Variants in RHNO1 observed in about 807,000 individuals in gnomAD.
RHNO1 encodes the protein RAD9-HUS1-RAD1 interacting nuclear orphan 1.
Under a neutral mutation model 7.2 loss-of-function variants are expected in RHNO1, and 9 were observed. The observed-to-expected ratio is 1.25, with a 90% CI of 0.75 to 2.18. RHNO1 has a LOEUF of 2.18. RHNO1 is among the 30% of genes most tolerant of loss of function. The probability of loss-of-function intolerance (pLI) is 0.00; values close to 1 mark genes in which losing one functional copy is unlikely to be tolerated. For missense variants in RHNO1, 292 were observed against 284.5 expected (o/e 1.03, Z -0.19); for synonymous variants, 95 against 107.5 (o/e 0.88, Z 0.72).
intron 1 of RHNO1, among the ~76,000 whole-genome samples, chr12:2,883,378 A>G (rs1364959242): frequency 6.7e-6 from 1 of 149,256 alleles, no homozygotes; most frequent in Non-Finnish European, 1.5e-5. Flanking sequence ...CTATCTCGAA[A>G]AAAAGAAAAA....
chr12:2,885,486 T>TTCCCATCATCACA lies in RHNO1; in HGVS notation c.120_121insTCCCATCATCACA (p.Arg41SerfsTer13). 2 of 1,602,076 alleles carry TTCCCATCATCACA rather than the reference T, an allele frequency of 1.2e-6. No homozygotes were observed. Among genetic ancestry groups the TTCCCATCATCACA allele is most frequent in the Non-Finnish European group, 1.7e-6 (2 of 1,173,528 alleles). ...CTACACAGCTTCCCATCACTCACAC[T>TTCCCATCATCACA]CGACAGGTGCCCAGCAAGCCCATTG... On this transcript the variant is annotated frameshift_variant, in exon 2 of 3. Coordinates refer to ENST00000489288, the MANE Select transcript of RHNO1 (RefSeq NM_001252499.3). LOFTEE classifies it low-confidence loss of function (END_TRUNC).
intron 1 of RHNO1, among the ~76,000 whole-genome samples, chr12:2,879,943 A>C (rs2098155282): frequency 6.6e-6 from 1 of 152,066 alleles, no homozygotes; most frequent in Non-Finnish European, 1.5e-5. Flanking sequence ...AAATGAGAGT[A>C]TTTCCTTTGA....
rs869192550 is a variant in RHNO1, at chr12:2,883,511, A to AT, written c.-84-1749dup. Among the ~76,000 whole-genome samples the AT allele has an allele frequency of 2.7e-3, 72 of 26,846 alleles. 1 individual carries two copies. The highest frequency in any genetic ancestry group is 4.8e-3 in the African/African-American group (29 of 5,990). 17.6% of individuals were successfully genotyped at this position (26,846 alleles called of 152,430 possible). A position where few individuals can be genotyped will look rare whatever the true frequency, so the allele number is the denominator to read the frequency against. On this transcript the variant is annotated intron_variant, in intron 1 of 2. Coordinates refer to ENST00000489288, the MANE Select transcript of RHNO1 (RefSeq NM_001252499.3). ...TATATATATATATATATATATATAT[A>AT]TTTTTTTTTTTTTTTTTTTTTTTGA... is the stretch of plus-strand genomic sequence containing the variant.
chr12:2,879,872 T>C (rs1167503232), intron 1 of RHNO1, among the ~76,000 whole-genome samples: 1 of 152,130 alleles, frequency 6.6e-6, no homozygotes, highest in East Asian at 1.9e-4. Context: ...AACTGACCTC[T>C]AATTAGAGCA....
In RHNO1 at chr12:2,885,532, T is replaced by A; in HGVS notation, c.166T>A (p.Trp56Arg). 6.9e-7 allele frequency: 1 copy of A among 1,447,440 alleles called. No individual in the cohort carries two copies. The allele number at this position is 1,447,440 out of a possible 1,614,324, so 89.7% of individuals were successfully genotyped here. The change falls in exon 2 of 3, where the codon TGG (tryptophan) becomes AGG (arginine). Residue 56 changes from tryptophan to arginine, a missense_variant and splice_region_variant. By Grantham distance (101) the Trp-to-Arg change is moderately radical. Coordinates refer to ENST00000489288, the MANE Select transcript of RHNO1 (RefSeq NM_001252499.3). ...CATTGACCACAGCACCATCACTTCC[T>A]GGGTAGGCCCATGGGATTACTATTT... ...KPIDHSTITS[W>R]VSPDFDTAAG...
Position 2,888,089 on chromosome 12 carries a change from C to T in RHNO1, c.347C>T (p.Pro116Leu), listed in dbSNP as rs1352543126. Reference protein sequence around the residue: ...TLGIPLIRECPSESEKDVSRR... With the variant: ...TLGIPLIRECLSESEKDVSRR... ...GGGATCCCCTTAATCCGAGAGTGCC[C>T]CAGTGAATCAGAAAAGGATGTTTCC... The change falls in exon 3 of 3, where the codon CCC becomes CTC. Residue 116 changes from proline to leucine, a missense_variant. Transcript: ENST00000489288. 1.2e-5 allele frequency: 20 copies of T among 1,613,898 alleles called. No homozygotes were observed. Among genetic ancestry groups the T allele is most frequent in the Non-Finnish European group, 1.6e-5 (19 of 1,179,990 alleles).
intron 2 of RHNO1, among the ~76,000 whole-genome samples, chr12:2,886,732 A>G (rs1465997847): frequency 6.6e-6 from 1 of 152,184 alleles, no homozygotes; most frequent in East Asian, 1.9e-4. Flanking sequence ...TAGTATAGTA[A>G]AAGGGCCAGA....
intron 1 of RHNO1, among the ~76,000 whole-genome samples, chr12:2,878,470 C>A (rs146666412): frequency 6.6e-6 from 1 of 152,108 alleles, no homozygotes; most frequent in Non-Finnish European, 1.5e-5. Context: ...GAAGCTGGAG[C>A]CGGAGGAAGC....
chr12:2,878,303 A>AGCCACTGCACTCCAGCC (rs1565485076), intron 1 of RHNO1, among the ~76,000 whole-genome samples: 1 of 152,144 alleles, frequency 6.6e-6, no homozygotes, highest in African/African-American at 2.4e-5. Context: ...TTGGTGTGAG[A>AGCCACTGCACTCCAGCC]TCTGATGCCT....
In RHNO1 at chr12:2,885,520, A is replaced by G. The variant is rs2098164347; in HGVS notation, c.154A>G (p.Thr52Ala). The change falls in exon 2 of 3, where the codon ACC (threonine) becomes GCC (alanine). Residue 52 changes from threonine to alanine, a missense_variant. By Grantham distance (58) the Thr-to-Ala change is moderately conservative (BLOSUM62 0). Coordinates refer to ENST00000489288, the MANE Select transcript of RHNO1 (RefSeq NM_001252499.3). ...QVPSKPIDHS[T>A]ITSWVSPDFD... ...GCCCAGCAAGCCCATTGACCACAGC[A>G]CCATCACTTCCTGGGTAGGCCCATG... The G allele has an allele frequency of 6.3e-7, 1 of 1,588,224 alleles. No individual in the cohort carries two copies. The highest frequency in any genetic ancestry group is 1.7e-5 in the Admixed American group (1 of 58,338).
At chr12:2,884,232 TTTTG>T (rs113654982) in intron 1 of RHNO1, among the ~76,000 whole-genome samples, 36 of 152,034 alleles carry the variant, frequency 2.4e-4, no homozygotes, top group African/African-American at 6.3e-4. Context: ...GGCTAATCTT[TTTTG>T]TTTGTTTGTT....
Position 2,887,135 on chromosome 12 carries a change from G to A in RHNO1, c.169-776G>A, listed in dbSNP as rs1315192840. The A allele has an allele frequency of 2.4e-5, 9 of 374,358 alleles. No homozygotes were observed. In the East Asian group the frequency reaches 6.8e-4, roughly 28 times the overall value. 23.2% of individuals were successfully genotyped at this position (374,358 alleles called of 1,614,324 possible). ...AGGTGGGTGGATCACTTGAGGTCAG[G>A]AGTTTGAGACCAGTCTGGCCAACAC... On this transcript the variant is annotated intron_variant, in intron 2 of 2. Transcript: ENST00000489288.
Position 2,889,153 on chromosome 12 carries a change from ACT to A in RHNO1, c.*697_*698del, listed in dbSNP as rs1221895632. 1 of 151,832 alleles carries A rather than the reference ACT, an allele frequency of 6.6e-6. No individual in the cohort carries two copies. The highest frequency in any genetic ancestry group is 1.5e-5 in the Non-Finnish European group (1 of 68,036). The allele number at this position is 151,832 out of a possible 1,614,324, so 9.4% of individuals were successfully genotyped here. On this transcript the variant is annotated 3_prime_UTR_variant, in exon 3 of 3. Coordinates refer to ENST00000489288, the MANE Select transcript of RHNO1 (RefSeq NM_001252499.3). Reference sequence around the variant, plus strand: ...GACCTGATGGATGGAAAAAAATCAAACTCTGTGACTCTATGGTTGACTGCCAC... The same window carrying A: ...GACCTGATGGATGGAAAAAAATCAAACTGTGACTCTATGGTTGACTGCCAC...
At chr12:2,883,494 TATATATATATATATA>T (rs2098161098) in intron 1 of RHNO1, among the ~76,000 whole-genome samples, 1 of 19,902 alleles carries the variant, frequency 5.0e-5, no homozygotes, top group Non-Finnish European at 8.2e-5. Flanking sequence ...TATATATATA[TATATATATATATATA>T]TATTTTTTTT....
intron 1 of RHNO1, chr12:2,878,163 C>T (rs2098151097): frequency 6.6e-6 from 1 of 152,272 alleles, no homozygotes; most frequent in South Asian, 2.1e-4. Flanking sequence ...CAGAGGGAGA[C>T]ACCGTCTCCA....
chr12:2,884,803 T>C (rs1258377336), intron 1 of RHNO1, among the ~76,000 whole-genome samples: 2 of 152,134 alleles, frequency 1.3e-5, no homozygotes, highest in Non-Finnish European at 2.9e-5. Flanking sequence ...TCTCCATGCC[T>C]TTGTGTACAC....
intron 2 of RHNO1, 27 bp downstream of exon 2, chr12:2,885,561 A>ATTTTTT (rs10558952): frequency 6.8e-5 from 27 of 399,314 alleles, no homozygotes; most frequent in South Asian, 7.7e-5. Flanking sequence ...ACTATTTGAC[A>ATTTTTT]TTTTTTTTTT....
chr12:2,883,890 C>T (rs2098162193), intron 1 of RHNO1, among the ~76,000 whole-genome samples: 1 of 150,676 alleles, frequency 6.6e-6, no homozygotes, highest in South Asian at 2.1e-4. Flanking sequence ...ATTAGCCTAG[C>T]CGACAGTTAT....
chr12:2,883,511 A>ATATTTTT (rs2098161542), intron 1 of RHNO1, among the ~76,000 whole-genome samples: 5 of 26,826 alleles, frequency 1.9e-4, no homozygotes, highest in Admixed American at 5.9e-4. Flanking sequence ...ATATATATAT[A>ATATTTTT]TTTTTTTTTT....
Sources: gnomAD v4.1 joint callset for allele counts (sites outside exome capture counted in the v4.1 genomes callset) on GRCh38, gnomAD v4.1.1 for gene constraint, MANE v1.5 for transcripts, NCBI Gene and HGNC (gene_info 2026-07-23, HGNC 2026-07-21) for gene names.